RNF220: variants seen among roughly 807,000 people sequenced by gnomAD.
RNF220 encodes E3 ubiquitin-protein ligase RNF220.
In RNF220, 7 loss-of-function variants were observed where a neutral mutation model predicts 67.1. The observed-to-expected ratio is 0.10, with a 90% CI of 0.06 to 0.20. The LOEUF (loss-of-function observed/expected upper bound fraction) is 0.20. Among genes scored for constraint, RNF220 ranks in the 10% least tolerant of loss-of-function variants. The pLI, the probability that RNF220 is intolerant of heterozygous loss-of-function variation, is 1.00. For missense variants in RNF220, 565 were observed against 740.3 expected (o/e 0.76, Z 2.75); for synonymous variants, 270 against 283.2 (o/e 0.95, Z 0.47).
chr1:44,444,899 C>A (rs867652414), intron 2 of RNF220, among the ~76,000 whole-genome samples: 5 of 152,188 alleles, frequency 3.3e-5, no homozygotes, highest in African/African-American at 1.2e-4. Context: ...AGAATTGCTG[C>A]CTCCTGGGGA....
chr1:44,518,894 A>T (rs1036271460), intron 2 of RNF220, among the ~76,000 whole-genome samples: 1 of 151,966 alleles, frequency 6.6e-6, no homozygotes, highest in East Asian at 1.9e-4. Flanking sequence ...AAAAACAAAA[A>T]AAAAAAAACT....
At chr1:44,501,682 C>G in intron 2 of RNF220, among the ~76,000 whole-genome samples, 1 of 152,214 alleles carries the variant, frequency 6.6e-6, no homozygotes, top group Non-Finnish European at 1.5e-5. Flanking sequence ...CTCTCCCCTC[C>G]GTTTCTACTC....
chr1:44,565,637 T>C lies in RNF220; in HGVS notation c.626-48528T>C, dbSNP rs1663943943. ...CCGCAGCTGGGGAGGGTGGGGGTCA[T>C]GGCTGGAAATCCAATCAGGAGTTCC... On this transcript the variant is annotated intron_variant, in intron 2 of 14. Coordinates refer to ENST00000361799, the MANE Select transcript of RNF220 (RefSeq NM_018150.4). This position sits in a 1 kb window ranked among gnomAD's most constrained non-coding sequence, Gnocchi z 4.2. 6.6e-6 allele frequency among the ~76,000 whole-genome samples: 1 copy of C among 152,186 alleles called. No homozygotes were observed. The highest frequency in any genetic ancestry group is 6.5e-5 in the Admixed American group (1 of 15,278).
chr1:44,441,499 G>A (rs1651547924), intron 2 of RNF220, among the ~76,000 whole-genome samples: 1 of 152,202 alleles, frequency 6.6e-6, no homozygotes, highest in Non-Finnish European at 1.5e-5. Context: ...ATCTAAGGAA[G>A]AAGTAAAAGA....
chr1:44,498,999 A>T lies in RNF220; in HGVS notation c.625+86277A>T, dbSNP rs553464847. On this transcript the variant is annotated intron_variant, in intron 2 of 14. Coordinates refer to ENST00000361799, the MANE Select transcript of RNF220 (RefSeq NM_018150.4). Reference sequence around the variant, plus strand: ...ACCAGTAATTATACCCCTTCCTAATAACCAACTTAAACATCCTGCTCTCCA... The same window carrying T: ...ACCAGTAATTATACCCCTTCCTAATTACCAACTTAAACATCCTGCTCTCCA... 5.3e-5 allele frequency among the ~76,000 whole-genome samples: 8 copies of T among 152,174 alleles called. No homozygotes were observed. In the East Asian group the frequency reaches 1.5e-3, roughly 29 times the overall value.
At position 44,445,216 on chromosome 1, in the gene RNF220, A is replaced by C. The variant is rs147913371; in HGVS notation, c.625+32494A>C. On this transcript the variant is annotated intron_variant, in intron 2 of 14. Transcript: ENST00000361799. The stretch of plus-strand genomic sequence containing the variant: ...TTTTCTGTTGGGTTGTCTCTTTCCT[A>C]ATTTCTTCATGTAGGCTTAGTATTT... 8.5e-3 allele frequency among the ~76,000 whole-genome samples: 1,296 copies of C among 152,144 alleles called. 17 individuals carry two copies. The highest frequency in any genetic ancestry group is 0.03 in the African/African-American group (1,229 of 41,482).
intron 2 of RNF220, among the ~76,000 whole-genome samples, chr1:44,484,514 G>GC (rs1374223407): frequency 6.6e-6 from 1 of 152,124 alleles, no homozygotes; most frequent in Non-Finnish European, 1.5e-5. Context: ...TCCCCCTGTG[G>GC]CCGTGTCTGG....
At chr1:44,573,095 GATATA>G (rs1401839209) in intron 2 of RNF220, 6 of 180,896 alleles carry the variant, frequency 3.3e-5, no homozygotes, top group Non-Finnish European at 6.0e-5. Flanking sequence ...ATATGATAAT[GATATA>G]ATATAAATTA....
At chr1:44,453,165 T>C (rs1238100542) in intron 2 of RNF220, among the ~76,000 whole-genome samples, 2 of 152,216 alleles carry the variant, frequency 1.3e-5, no homozygotes, top group Non-Finnish European at 2.9e-5. Context: ...GGCTGATCTT[T>C]TATTAAGGCT....
intron 2 of RNF220, among the ~76,000 whole-genome samples, chr1:44,499,495 C>G (rs948331551): frequency 6.6e-6 from 1 of 152,132 alleles, no homozygotes; most frequent in Admixed American, 6.6e-5. Context: ...TTCCTCACTC[C>G]GCTTCTAGGA....
chr1:44,612,773 T>A (rs1053554047), intron 2 of RNF220, among the ~76,000 whole-genome samples: 24 of 139,076 alleles, frequency 1.7e-4, no homozygotes, highest in African/African-American at 3.4e-4. Flanking sequence ...AAAAAAAAAA[T>A]TTATTATCTG....
chr1:44,579,248 A>T (rs913288887), intron 2 of RNF220, among the ~76,000 whole-genome samples: 23 of 152,196 alleles, frequency 1.5e-4, no homozygotes, highest in African/African-American at 5.5e-4. Flanking sequence ...TCAAATGAAG[A>T]AGCAGGCAGA....
At chr1:44,580,575 A>G (rs1665197393) in intron 2 of RNF220, among the ~76,000 whole-genome samples, 1 of 152,210 alleles carries the variant, frequency 6.6e-6, no homozygotes, top group African/African-American at 2.4e-5. Context: ...AACTTTCTAA[A>G]CAGCCGAAGC....
chr1:44,546,728 G>T (rs1158315853), intron 2 of RNF220, among the ~76,000 whole-genome samples: 2 of 152,034 alleles, frequency 1.3e-5, no homozygotes, highest in African/African-American at 4.8e-5. Context: ...CTGACCCCTC[G>T]CTGGCACCCC....
chr1:44,528,688 T>C (rs1405550074), intron 2 of RNF220, among the ~76,000 whole-genome samples: 1 of 148,116 alleles, frequency 6.8e-6, no homozygotes, highest in Non-Finnish European at 1.5e-5. Context: ...AATTTTGGCT[T>C]ACTGCAACCT....
intron 2 of RNF220, among the ~76,000 whole-genome samples, chr1:44,580,542 G>T (rs781377984): frequency 3.3e-5 from 5 of 152,222 alleles, no homozygotes; most frequent in Non-Finnish European, 7.3e-5. Flanking sequence ...CAGGGAAATA[G>T]ATTTTAGCTC....
chr1:44,650,784 C>A lies in RNF220; in HGVS notation c.*9C>A. The A allele has an allele frequency of 1.7e-5, 27 of 1,612,894 alleles. No homozygotes were observed. The highest frequency in any genetic ancestry group is 2.3e-5 in the Non-Finnish European group (27 of 1,179,780). On this transcript the variant is annotated 3_prime_UTR_variant, in exon 15 of 15. Coordinates refer to ENST00000361799, the MANE Select transcript of RNF220 (RefSeq NM_018150.4). This position sits in a 1 kb window ranked among gnomAD's most constrained non-coding sequence, Gnocchi z 4.3. ...GGAGGATCTACTTGTGAGCTATCTG[C>A]CCCAGGCAGGCCTCGCCTCCAGCAG...
At chr1:44,570,663 C>T (rs549656815) in intron 2 of RNF220, among the ~76,000 whole-genome samples, 5 of 152,330 alleles carry the variant, frequency 3.3e-5, no homozygotes, top group Non-Finnish European at 5.9e-5. Flanking sequence ...CCCTCCTTCA[C>T]GCTCATGTCG....
At chr1:44,539,767 G>T (rs936424920) in intron 2 of RNF220, among the ~76,000 whole-genome samples, 12 of 152,152 alleles carry the variant, frequency 7.9e-5, no homozygotes, top group South Asian at 4.1e-4. Context: ...CACTGTTCCA[G>T]AATTTTCTGA....
Sources: allele counts gnomAD v4.1 joint callset (sites outside exome capture counted in the v4.1 genomes callset), GRCh38; gene constraint gnomAD v4.1.1; non-coding constraint Gnocchi (gnomAD v3.1); transcripts MANE v1.5; gene names NCBI Gene and HGNC (gene_info 2026-07-23, HGNC 2026-07-21).